Variants in PDZRN4 observed in about 807,000 individuals in gnomAD.
PDZRN4 encodes PDZ domain containing ring finger 4.
PDZRN4 carries 70 observed loss-of-function variants against 99.0 expected under a neutral mutation model. The ratio of observed to expected loss-of-function variants is 0.71; its 90% CI spans 0.58 to 0.86. The LOEUF (loss-of-function observed/expected upper bound fraction) is 0.86. Among genes scored for constraint, PDZRN4 ranks in the 40% least tolerant of loss-of-function variants. The pLI, the probability that PDZRN4 is intolerant of heterozygous loss-of-function variation, is 0.00. For missense variants in PDZRN4, 1,474 were observed against 1,331.2 expected, an observed-to-expected ratio of 1.11 and a Z score of -1.67; for synonymous variants, 551 against 501.6, an observed-to-expected ratio of 1.10 and a Z score of -1.32.
chr12:41,455,504 C>T (rs930123561), intron 3 of PDZRN4, among the ~76,000 whole-genome samples: 3 of 152,014 alleles, frequency 2.0e-5, no homozygotes, highest in Non-Finnish European at 2.9e-5. Context: ...TCAAGTGGGG[C>T]GTTCTGAGAA....
chr12:41,256,289 A>G (rs1357904474), intron 3 of PDZRN4, among the ~76,000 whole-genome samples: 2 of 152,228 alleles, frequency 1.3e-5, no homozygotes, highest in African/African-American at 4.8e-5. Flanking sequence ...CTAAGGTCCA[A>G]CTATCTCAGA....
At chr12:41,195,081 C>T (rs746710275) in intron 3 of PDZRN4, among the ~76,000 whole-genome samples, 5 of 151,854 alleles carry the variant, frequency 3.3e-5, no homozygotes, top group South Asian at 2.1e-4. Context: ...TTGTTGTATT[C>T]GGGGGTGATA....
intron 3 of PDZRN4, among the ~76,000 whole-genome samples, chr12:41,205,941 C>T (rs1950847211): frequency 6.6e-6 from 1 of 151,948 alleles, no homozygotes; most frequent in African/African-American, 2.4e-5. Flanking sequence ...AATAGAATCA[C>T]ACAATAGCTA....
chr12:41,415,030 A>C (rs748525409), intron 3 of PDZRN4, among the ~76,000 whole-genome samples: 30 of 152,154 alleles, frequency 2.0e-4, no homozygotes, highest in Non-Finnish European at 4.0e-4. Flanking sequence ...ATTGCAAACA[A>C]TGTTATGGAT....
intron 3 of PDZRN4, among the ~76,000 whole-genome samples, chr12:41,281,012 G>A (rs975090043): frequency 6.6e-6 from 1 of 152,164 alleles, no homozygotes; most frequent in Non-Finnish European, 1.5e-5. Flanking sequence ...GCTTCCAGAG[G>A]AAGGAGCAGG....
chr12:41,570,742 ATACTAT>A (rs1457404234), intron 9 of PDZRN4, among the ~76,000 whole-genome samples: 1 of 152,174 alleles, frequency 6.6e-6, no homozygotes, highest in Non-Finnish European at 1.5e-5. Context: ...GCCATATTAA[ATACTAT>A]TGTCACCTTA....
At chr12:41,267,302 T>G (rs891979125) in intron 3 of PDZRN4, among the ~76,000 whole-genome samples, 14 of 152,148 alleles carry the variant, frequency 9.2e-5, no homozygotes, top group African/African-American at 3.1e-4. Context: ...AATTGATCAT[T>G]CCTACTGAAA....
At chr12:41,313,494 T>C (rs1171112708) in intron 3 of PDZRN4, among the ~76,000 whole-genome samples, 2 of 152,196 alleles carry the variant, frequency 1.3e-5, no homozygotes, top group Non-Finnish European at 2.9e-5. Flanking sequence ...CATTCTGCTG[T>C]ACCTCTGCTC....
chr12:41,257,432 C>A (rs1336528531), intron 3 of PDZRN4, among the ~76,000 whole-genome samples: 31 of 152,286 alleles, frequency 2.0e-4, no homozygotes, highest in African/African-American at 7.2e-4. Context: ...CCTTCTAATA[C>A]CATCGACTTA....
chr12:41,490,594 A>G (rs1937865604), intron 3 of PDZRN4, among the ~76,000 whole-genome samples: 3 of 151,952 alleles, frequency 2.0e-5, no homozygotes, highest in Non-Finnish European at 4.4e-5. Context: ...AGTATGTTTT[A>G]TATTTATTAT....
chr12:41,192,813 T>C (rs1950743743), intron 2 of PDZRN4, among the ~76,000 whole-genome samples: 1 of 152,252 alleles, frequency 6.6e-6, no homozygotes. Flanking sequence ...TTCATGTTGA[T>C]GTCAATTGTT....
intron 3 of PDZRN4, among the ~76,000 whole-genome samples, chr12:41,493,595 A>G (rs1937931234): frequency 6.6e-6 from 1 of 152,138 alleles, no homozygotes. Flanking sequence ...GTCTCGTTGT[A>G]CACGCATGCT....
At chr12:41,251,984 T>G (rs1278794173) in intron 3 of PDZRN4, among the ~76,000 whole-genome samples, 2 of 151,974 alleles carry the variant, frequency 1.3e-5, no homozygotes, top group African/African-American at 4.8e-5. Context: ...GGCATGGTAG[T>G]ATGTGCCTGT....
intron 5 of PDZRN4, among the ~76,000 whole-genome samples, chr12:41,526,045 T>C (rs763262590): frequency 3.3e-5 from 5 of 152,188 alleles, no homozygotes; most frequent in Admixed American, 1.3e-4. Flanking sequence ...TTCCACTACC[T>C]TATAATCTCA....
At chr12:41,267,397 G>C (rs1001929370) in intron 3 of PDZRN4, among the ~76,000 whole-genome samples, 1 of 151,718 alleles carries the variant, frequency 6.6e-6, no homozygotes, top group Non-Finnish European at 1.5e-5. Flanking sequence ...TCCTATATCT[G>C]GAAGAAGAAG....
chr12:41,221,519 GT>G (rs200258409), intron 3 of PDZRN4, among the ~76,000 whole-genome samples: 2 of 151,308 alleles, frequency 1.3e-5, no homozygotes, highest in African/African-American at 2.4e-5. Context: ...ATTAGTGTGG[GT>G]TTTTTTTTAT....
intron 3 of PDZRN4, among the ~76,000 whole-genome samples, chr12:41,330,186 G>A (rs1951733565): frequency 1.4e-5 from 2 of 145,518 alleles, no homozygotes; most frequent in African/African-American, 4.9e-5. Flanking sequence ...GGAGGACAAA[G>A]TACAAAGTAT....
At chr12:41,426,631 G>A (rs926464229) in intron 3 of PDZRN4, among the ~76,000 whole-genome samples, 1 of 152,148 alleles carries the variant, frequency 6.6e-6, no homozygotes, top group Non-Finnish European at 1.5e-5. Context: ...ATGTGAAAAT[G>A]CACATCTTAA....
At chr12:41,268,450 C>T (rs970384286) in intron 3 of PDZRN4, among the ~76,000 whole-genome samples, 5 of 152,198 alleles carry the variant, frequency 3.3e-5, no homozygotes, top group African/African-American at 1.2e-4. Context: ...CCTGTTCACA[C>T]GTGTTTTCTT....
Sources: gnomAD v4.1 joint callset for allele counts (sites outside exome capture counted in the v4.1 genomes callset) on GRCh38, gnomAD v4.1.1 for gene constraint, MANE v1.5 for transcripts, NCBI Gene and HGNC (gene_info 2026-07-23, HGNC 2026-07-21) for gene names.